Variants in PSIP1 observed in about 807,000 individuals in gnomAD.
PSIP1 encodes the protein PC4 and SRSF1 interacting protein 1.
PSIP1 carries 19 observed loss-of-function variants against 74.7 expected under a neutral mutation model. That is an observed-to-expected ratio of 0.25 (90% CI 0.18 to 0.37). The LOEUF (loss-of-function observed/expected upper bound fraction) is 0.37, where lower values mean the gene tolerates loss of function less well. PSIP1 is among the 10% of genes least tolerant of loss of function. The pLI, the probability that PSIP1 is intolerant of heterozygous loss-of-function variation, is 1.00. For synonymous variants in PSIP1, 222 were observed against 195.3 expected (o/e 1.14, Z -1.14); for missense variants, 601 against 614.3 (o/e 0.98, Z 0.23).
rs1485685091 is a variant in PSIP1, at chr9:15,501,163, T to C, written c.149+5398A>G. 2.6e-5 allele frequency among the ~76,000 whole-genome samples: 4 copies of C among 152,008 alleles called. No homozygotes were observed. In the East Asian group the frequency reaches 5.8e-4, roughly 22 times the overall value. On this transcript the variant is annotated intron_variant, in intron 3 of 15. Coordinates refer to ENST00000380733, the MANE Select transcript of PSIP1 (RefSeq NM_033222.5). Reference sequence around the variant, plus strand: ...TGCCCAAGGTTATATAGCAGGTAAATGGCAGTCAGTATTCAAAAACAAACT... The same window carrying C: ...TGCCCAAGGTTATATAGCAGGTAAACGGCAGTCAGTATTCAAAAACAAACT...
At chr9:15,496,861 C>A (rs907314901) in intron 3 of PSIP1, among the ~76,000 whole-genome samples, 1 of 151,994 alleles carries the variant, frequency 6.6e-6, no homozygotes, top group Admixed American at 6.6e-5. Flanking sequence ...AAATGTAAAT[C>A]AAAAATCACA....
At chr9:15,466,694 T>C (rs189439967) in intron 15 of PSIP1, 54 bp downstream of exon 15, 27 of 1,410,004 alleles carry the variant, frequency 1.9e-5, no homozygotes, top group Admixed American at 4.2e-5. Context: ...AGAACTGTGA[T>C]TAAAAACCTG....
chr9:15,490,627 G>A (rs796965334), intron 3 of PSIP1, among the ~76,000 whole-genome samples: 110 of 143,866 alleles, frequency 7.6e-4, no homozygotes, highest in African/African-American at 2.6e-3. Flanking sequence ...AGGTTGCAGT[G>A]AGCTGTGATC....
intron 8 of PSIP1, among the ~76,000 whole-genome samples, chr9:15,478,127 TAAAAAAA>T (rs570873100): frequency 1.1e-3 from 118 of 108,214 alleles, no homozygotes; most frequent in Non-Finnish European, 1.8e-3. Flanking sequence ...ACCCCATCTT[TAAAAAAA>T]AAAAAAAAAA....
At chr9:15,476,926 A>G (rs1041709756) in intron 8 of PSIP1, among the ~76,000 whole-genome samples, 13 of 152,184 alleles carry the variant, frequency 8.5e-5, no homozygotes, top group African/African-American at 2.9e-4. Context: ...GTATTTTCCA[A>G]TGACCTTTTC....
chr9:15,502,293 A>G (rs2037385606), intron 3 of PSIP1, among the ~76,000 whole-genome samples: 1 of 152,194 alleles, frequency 6.6e-6, no homozygotes, highest in African/African-American at 2.4e-5. Flanking sequence ...AAATCTATAC[A>G]TATTCACTAC....
At chr9:15,471,963 T>C (rs887228425) in intron 10 of PSIP1, 12 of 974,210 alleles carry the variant, frequency 1.2e-5, no homozygotes, top group East Asian at 2.3e-4. Flanking sequence ...TAAAGGTAAC[T>C]AGGAAAGCAA....
At chr9:15,472,831 G>A in intron 9 of PSIP1, 81 bp from the exon 10 acceptor site, 2 of 1,329,180 alleles carry the variant, frequency 1.5e-6, no homozygotes, top group Admixed American at 2.5e-5. Context: ...TGGGGGAAAA[G>A]CAGCAGCTAG....
chr9:15,467,894 G>A (rs1417646393), intron 14 of PSIP1, among the ~76,000 whole-genome samples: 1 of 152,174 alleles, frequency 6.6e-6, no homozygotes, highest in East Asian at 1.9e-4. Flanking sequence ...GCCACGGCAG[G>A]TGGATTACCA....
intron 2 of PSIP1, 104 bp from the exon 3 acceptor site, chr9:15,506,741 T>C (rs949775327): frequency 1.5e-4 from 132 of 883,892 alleles, no homozygotes; most frequent in Non-Finnish European, 2.0e-4. Context: ...TGTTATAAAA[T>C]GGGCCAGTTC....
chr9:15,490,230 G>T, intron 3 of PSIP1, 106 bp from the exon 4 acceptor site: 1 of 1,052,142 alleles, frequency 9.5e-7, no homozygotes, highest in Non-Finnish European at 1.3e-6. Flanking sequence ...AACCTAAACT[G>T]CATTACAAAT....
chr9:15,483,581 T>A lies in PSIP1; in HGVS notation c.456+2425A>T, dbSNP rs756465244. Among the ~76,000 whole-genome samples, 104 of 152,212 alleles carry A rather than the reference T, an allele frequency of 6.8e-4. 1 individual carries two copies. Among genetic ancestry groups the A allele is most frequent in the Admixed American group, 1.2e-3 (19 of 15,282 alleles). On this transcript the variant is annotated intron_variant, in intron 6 of 15. Transcript: ENST00000380733. ...TATTTATTTTTTGTCTAAAAAAAAA[T>A]GTAAGTTCAATGGAAACAAAGACCT...
chr9:15,471,316 C>G (rs752254704), intron 10 of PSIP1: 8 of 1,564,546 alleles, frequency 5.1e-6, no homozygotes, highest in Non-Finnish European at 7.0e-6. Context: ...GCAAAACTGT[C>G]CAAGTACAAA....
At chr9:15,491,164 G>A (rs940858185) in intron 3 of PSIP1, among the ~76,000 whole-genome samples, 19 of 152,184 alleles carry the variant, frequency 1.2e-4, no homozygotes, top group South Asian at 2.1e-4. Context: ...AGCCAACAGC[G>A]TATGTAACAT....
At chr9:15,480,092 A>C (rs1222497063) in intron 6 of PSIP1, among the ~76,000 whole-genome samples, 1 of 152,236 alleles carries the variant, frequency 6.6e-6, no homozygotes, top group Non-Finnish European at 1.5e-5. Context: ...ATTTCCCGTA[A>C]GAAAGGATTT....
chr9:15,491,555 T>C (rs577475497), intron 3 of PSIP1, among the ~76,000 whole-genome samples: 1 of 152,184 alleles, frequency 6.6e-6, no homozygotes, highest in Admixed American at 6.5e-5. Context: ...CATATGTGTG[T>C]ACATATATAC....
At chr9:15,484,726 CAAAACA>C (rs567174510) in intron 6 of PSIP1, among the ~76,000 whole-genome samples, 1 of 149,930 alleles carries the variant, frequency 6.7e-6, no homozygotes, top group Non-Finnish European at 1.5e-5. Context: ...GAATCCGTCT[CAAAACA>C]AAAACAAAAA....
chr9:15,504,072 G>C (rs1433312653), intron 3 of PSIP1, among the ~76,000 whole-genome samples: 1 of 152,134 alleles, frequency 6.6e-6, no homozygotes, highest in East Asian at 1.9e-4. Context: ...TACAAAAGAA[G>C]TCACCACCAG....
chr9:15,510,068 C>T (rs748536971), intron 2 of PSIP1, 49 bp downstream of exon 2: 1 of 1,541,050 alleles, frequency 6.5e-7, no homozygotes, highest in Non-Finnish European at 8.9e-7. Flanking sequence ...CAGCAGGCCT[C>T]TGGAGAGGAG....
Sources: gnomAD v4.1 joint callset for allele counts (sites outside exome capture counted in the v4.1 genomes callset) on GRCh38, gnomAD v4.1.1 for gene constraint, MANE v1.5 for transcripts, NCBI Gene and HGNC (gene_info 2026-07-23, HGNC 2026-07-21) for gene names.